The following PLCB1 variants were observed in gnomAD, a reference collection of about 807,000 sequenced individuals.
PLCB1 encodes phospholipase C beta 1.
PLCB1 carries 46 observed loss-of-function variants against 161.8 expected under a neutral mutation model. The ratio of observed to expected loss-of-function variants is 0.28; its 90% CI spans 0.22 to 0.36. The LOEUF is 0.36. PLCB1 is among the 10% of genes least tolerant of loss of function. The probability of loss-of-function intolerance (pLI) is 1.00; values close to 1 mark genes in which losing one functional copy is unlikely to be tolerated. For missense variants in PLCB1, 1,016 were observed against 1,472.5 expected, an observed-to-expected ratio of 0.69 and a Z score of 5.07; for synonymous variants, 517 against 503.7, an observed-to-expected ratio of 1.03 and a Z score of -0.35.
At chr20:8,389,192 T>C (rs1486919735) in intron 3 of PLCB1, among the ~76,000 whole-genome samples, 2 of 152,234 alleles carry the variant, frequency 1.3e-5, no homozygotes, top group Non-Finnish European at 2.9e-5. Context: ...GAGGTTGGTG[T>C]ATCTCCTATC....
intron 27 of PLCB1, among the ~76,000 whole-genome samples, chr20:8,775,279 C>T (rs560782057): frequency 4.6e-5 from 7 of 152,064 alleles, no homozygotes; most frequent in African/African-American, 1.7e-4. Context: ...TGTTTTCTCA[C>T]GAATTGAGAC....
chr20:8,635,305 A>G (rs1270869746), intron 4 of PLCB1, among the ~76,000 whole-genome samples: 1 of 151,952 alleles, frequency 6.6e-6, no homozygotes, highest in African/African-American at 2.4e-5. Context: ...AAGGGAAAGG[A>G]AAAGGAAAAG....
intron 3 of PLCB1, among the ~76,000 whole-genome samples, chr20:8,485,794 A>G (rs1473294301): frequency 6.6e-6 from 1 of 152,206 alleles, no homozygotes; most frequent in Non-Finnish European, 1.5e-5. Context: ...TTAAAAATCT[A>G]CATGCTTGGA....
chr20:8,861,842 T>C (rs1470004562), intron 31 of PLCB1, among the ~76,000 whole-genome samples: 2 of 151,890 alleles, frequency 1.3e-5, no homozygotes, highest in Admixed American at 1.3e-4. Context: ...AACAATTTAA[T>C]TAACTTGATT....
chr20:8,521,111 ATTC>A (rs945499092), intron 3 of PLCB1, among the ~76,000 whole-genome samples: 34 of 152,236 alleles, frequency 2.2e-4, no homozygotes, highest in Non-Finnish European at 1.0e-4. Context: ...ATTATAAATT[ATTC>A]TTATCCATTT....
rs1326422082 is a variant in PLCB1, at chr20:8,291,500, T to C, written c.178-79882T>C. Among the ~76,000 whole-genome samples the C allele has an allele frequency of 2.0e-5, 3 of 152,238 alleles. No homozygotes were observed. In the East Asian group the frequency reaches 5.8e-4, roughly 29 times the overall value. On this transcript the variant is annotated intron_variant, in intron 2 of 31. Transcript: ENST00000338037. ...GCAACTAGTTATTAATCTGTTCCTC[T>C]CAACTATTTCTTTAGGAATCATGTG...
intron 2 of PLCB1, among the ~76,000 whole-genome samples, chr20:8,325,771 A>G (rs2122175516): frequency 6.6e-6 from 1 of 152,228 alleles, no homozygotes; most frequent in South Asian, 2.1e-4. Context: ...GTTCCTAGTT[A>G]AGCGGGAATG....
intron 3 of PLCB1, among the ~76,000 whole-genome samples, chr20:8,561,241 T>C (rs1434607684): frequency 6.6e-6 from 1 of 152,040 alleles, no homozygotes; most frequent in Non-Finnish European, 1.5e-5. Context: ...GGATACACTT[T>C]CTAGTCTAAA....
At chr20:8,854,074 G>A (rs1288261357) in intron 31 of PLCB1, among the ~76,000 whole-genome samples, 1 of 152,158 alleles carries the variant, frequency 6.6e-6, no homozygotes, top group Non-Finnish European at 1.5e-5. Context: ...GCTCACAAAG[G>A]CAAAATAAAC....
chr20:8,181,908 A>T (rs907279033), intron 2 of PLCB1, among the ~76,000 whole-genome samples: 1 of 152,118 alleles, frequency 6.6e-6, no homozygotes, highest in African/African-American at 2.4e-5. Flanking sequence ...GTTACAGGTT[A>T]CAGTGAGCTA....
At chr20:8,163,762 A>G (rs1260767008) in intron 2 of PLCB1, among the ~76,000 whole-genome samples, 1 of 152,164 alleles carries the variant, frequency 6.6e-6, no homozygotes, top group Middle Eastern at 3.2e-3. Flanking sequence ...TGTGGTATGC[A>G]ATCTGCCACA....
chr20:8,716,449 A>G, intron 13 of PLCB1, 101 bp downstream of exon 13: 1 of 849,278 alleles, frequency 1.2e-6, no homozygotes, highest in South Asian at 1.5e-5. Flanking sequence ...TTTCTTGGTA[A>G]GATTAATGCA....
chr20:8,638,201 G>A (rs1451952279), intron 4 of PLCB1, among the ~76,000 whole-genome samples: 1 of 152,112 alleles, frequency 6.6e-6, no homozygotes, highest in African/African-American at 2.4e-5. Context: ...GCCAAAAACT[G>A]ACAATTTAAA....
rs537002908 is a variant in PLCB1 at position 8,653,274 on chromosome 20, A to G, written c.594+3825A>G. The G allele has an allele frequency of 7.9e-5, 12 of 152,230 alleles. No homozygotes were observed. In the South Asian group the frequency reaches 1.2e-3, roughly 16 times the overall value. 9.4% of individuals were successfully genotyped at this position (152,230 alleles called of 1,614,324 possible). A position where few individuals can be genotyped will look rare whatever the true frequency, so the allele number is the denominator to read the frequency against. On this transcript the variant is annotated intron_variant, in intron 7 of 31. Transcript: ENST00000338037. ...AATTGTATAAATTTTACTAAATACT[A>G]TGAATAAAATGTATAAAATAACTTC...
chr20:8,728,149 T>C (rs1352405901), intron 17 of PLCB1, among the ~76,000 whole-genome samples: 1 of 152,144 alleles, frequency 6.6e-6, no homozygotes, highest in African/African-American at 2.4e-5. Context: ...TGATAGATCT[T>C]GTCTTATCTC....
At chr20:8,438,646 G>T (rs897436981) in intron 3 of PLCB1, among the ~76,000 whole-genome samples, 1 of 152,176 alleles carries the variant, frequency 6.6e-6, no homozygotes, top group Non-Finnish European at 1.5e-5. Flanking sequence ...TCTAGGGTGC[G>T]TCAGGATTCA....
chr20:8,606,898 G>C (rs1568527405), intron 3 of PLCB1, among the ~76,000 whole-genome samples: 1 of 152,084 alleles, frequency 6.6e-6, no homozygotes, highest in African/African-American at 2.4e-5. Flanking sequence ...TTTTGGATCA[G>C]TTTTGGTAAT....
intron 2 of PLCB1, among the ~76,000 whole-genome samples, chr20:8,301,049 C>A (rs1423364119): frequency 6.6e-6 from 1 of 152,150 alleles, no homozygotes; most frequent in Non-Finnish European, 1.5e-5. Flanking sequence ...GTCAGTTCTA[C>A]AATGCTGCAT....
At chr20:8,686,627 C>T (rs1418922684) in intron 10 of PLCB1, among the ~76,000 whole-genome samples, 1 of 152,128 alleles carries the variant, frequency 6.6e-6, no homozygotes, top group Non-Finnish European at 1.5e-5. Context: ...TTCTGACTAT[C>T]ACTAGGGTTT....
Sources: gnomAD v4.1 joint callset for allele counts (sites outside exome capture counted in the v4.1 genomes callset) on GRCh38, gnomAD v4.1.1 for gene constraint, MANE v1.5 for transcripts, NCBI Gene and HGNC (gene_info 2026-07-23, HGNC 2026-07-21) for gene names.